The following EHHADH variants were observed in gnomAD, a reference collection of about 807,000 sequenced individuals.
The protein encoded by EHHADH is enoyl-CoA hydratase and 3-hydroxyacyl CoA dehydrogenase.
Under a neutral mutation model 64.4 loss-of-function variants are expected in EHHADH, and 48 were observed. The ratio of observed to expected loss-of-function variants is 0.75; its 90% CI spans 0.59 to 0.95. The LOEUF (loss-of-function observed/expected upper bound fraction) is 0.95, where lower values mean the gene tolerates loss of function less well. EHHADH is among the 40% of genes least tolerant of loss of function. The pLI is 0.00. For missense variants in EHHADH, 854 were observed against 876.6 expected, an observed-to-expected ratio of 0.97 and a Z score of 0.33; for synonymous variants, 308 against 326.7, an observed-to-expected ratio of 0.94 and a Z score of 0.62.
At chr3:185,244,228 G>A (rs1422846853) in intron 2 of EHHADH, among the ~76,000 whole-genome samples, 1 of 152,060 alleles carries the variant, frequency 6.6e-6, no homozygotes, top group Non-Finnish European at 1.5e-5. Context: ...TTGAGTTTGT[G>A]GGTGTTTTTA....
chr3:185,225,749 G>A (rs1200600342), intron 4 of EHHADH, among the ~76,000 whole-genome samples: 1 of 151,916 alleles, frequency 6.6e-6, no homozygotes, highest in African/African-American at 2.4e-5. Context: ...TGACCTTCTT[G>A]CTGTTCTTTG....
chr3:185,239,899 T>A (rs1489698803), intron 2 of EHHADH, among the ~76,000 whole-genome samples: 1 of 152,176 alleles, frequency 6.6e-6, no homozygotes, highest in African/African-American at 2.4e-5. Flanking sequence ...TCATTCAGTA[T>A]GATGTTGGCT....
At position 185,239,605 on chromosome 3, in the gene EHHADH, G is replaced by A. The variant is rs552322948; in HGVS notation, c.179-4143C>T. Among the ~76,000 whole-genome samples, 15 of 152,148 alleles carry A rather than the reference G, an allele frequency of 9.9e-5. No homozygotes were observed. The East Asian group carries it at 2.9e-3, about 29-fold the overall frequency. Reference sequence around the variant, plus strand: ...CTTGAACGTTATTGGTGTATAGAATGCTACTGATTTTTGTACATTCATTTT... The same window carrying A: ...CTTGAACGTTATTGGTGTATAGAATACTACTGATTTTTGTACATTCATTTT... On this transcript the variant is annotated intron_variant, in intron 2 of 6. Coordinates refer to ENST00000231887, the MANE Select transcript of EHHADH (RefSeq NM_001966.4).
chr3:185,225,513 CT>C (rs1422228771), intron 4 of EHHADH, among the ~76,000 whole-genome samples: 4 of 152,132 alleles, frequency 2.6e-5, no homozygotes, highest in Non-Finnish European at 4.4e-5. Context: ...AGCCCTCAGT[CT>C]TCCTGTTTTT....
intron 2 of EHHADH, among the ~76,000 whole-genome samples, chr3:185,242,342 A>G (rs574283307): frequency 1.3e-5 from 2 of 152,276 alleles, no homozygotes; most frequent in East Asian, 3.9e-4. Context: ...GAACCAAAAA[A>G]AGAGCCTGCA....
chr3:185,197,445 A>G (rs865848557), intron 6 of EHHADH, among the ~76,000 whole-genome samples: 1 of 151,872 alleles, frequency 6.6e-6, no homozygotes, highest in Middle Eastern at 3.4e-3. Context: ...CTAAATGATA[A>G]CTCCCCATTT....
In EHHADH at chr3:185,192,944, A is replaced by G. The variant is rs776267751; in HGVS notation, c.1454T>C (p.Leu485Ser). ...ATATGCCTGATTGTAGTAAGGATTC[A>G]ACATTCGATTCCCCACAAATCCAAA... ...NCFGFVGNRM[L>S]NPYYNQAYFL... is the part of the protein sequence containing the mutation. The change falls in exon 7 of 7, where the codon TTG (leucine) becomes TCG (serine). Residue 485 changes from leucine to serine, a missense_variant. Physicochemically the swap from Leu to Ser is moderately radical, Grantham distance 145. Transcript: ENST00000231887. 16 of 1,614,098 alleles carry G rather than the reference A, an allele frequency of 9.9e-6. No individual in the cohort carries two copies. The highest frequency in any genetic ancestry group is 1.4e-5 in the Non-Finnish European group (16 of 1,180,048).
intron 5 of EHHADH, among the ~76,000 whole-genome samples, chr3:185,205,285 A>G (rs1034293157): frequency 1.3e-5 from 2 of 152,126 alleles, no homozygotes; most frequent in Non-Finnish European, 2.9e-5. Flanking sequence ...CCCAGTAGTG[A>G]GCATAGTACC....
At chr3:185,224,765 T>G (rs2108641415) in intron 4 of EHHADH, among the ~76,000 whole-genome samples, 1 of 152,302 alleles carries the variant, frequency 6.6e-6, no homozygotes, top group East Asian at 1.9e-4. Context: ...TAGAAGCTGC[T>G]TACATTACTT....
At chr3:185,207,287 CAA>C (rs34374992) in intron 5 of EHHADH, among the ~76,000 whole-genome samples, 10 of 122,976 alleles carry the variant, frequency 8.1e-5, no homozygotes, top group African/African-American at 8.7e-5. Flanking sequence ...GACCCCATTT[CAA>C]AAAAAAAAAA....
chr3:185,230,531 G>T (rs1431763668), intron 3 of EHHADH, among the ~76,000 whole-genome samples: 6 of 151,914 alleles, frequency 3.9e-5, no homozygotes, highest in Admixed American at 6.6e-5. Flanking sequence ...GATGAACATT[G>T]AAAACATGCT....
At chr3:185,245,877 T>C (rs1719580886) in intron 2 of EHHADH, 1 of 1,080,528 alleles carries the variant, frequency 9.3e-7, no homozygotes, top group Non-Finnish European at 1.4e-6. Flanking sequence ...ATATCTGGAT[T>C]CTTTTCCCTC....
chr3:185,192,729 T>C lies in EHHADH; in HGVS notation c.1669A>G (p.Arg557Gly). The C allele has an allele frequency of 6.2e-7, 1 of 1,614,052 alleles. No homozygotes were observed. Among genetic ancestry groups the C allele is most frequent in the African/African-American group, 1.3e-5 (1 of 75,022 alleles). Residue 557 changes from arginine to glycine, a missense_variant, in exon 7 of 7, where the codon AGG becomes GGG. Arg to Gly is a moderately radical substitution (Grantham distance 125, BLOSUM62 -2). Coordinates refer to ENST00000231887, the MANE Select transcript of EHHADH (RefSeq NM_001966.4). ...GTPARKRGNR[R>G]YCPIPDVLCE... ...AGCACATCAGGAATTGGGCAGTACC[T>C]CCTATTACCCCTTTTTCGGGCAGGA...
intron 6 of EHHADH, among the ~76,000 whole-genome samples, chr3:185,194,820 A>AAAAAAAAAAAAAAAAAAAAAAAAAAAC (rs1718015794): frequency 6.8e-6 from 1 of 146,284 alleles, no homozygotes; most frequent in Non-Finnish European, 1.5e-5. Flanking sequence ...AAAAAAAAAA[A>AAAAAAAAAAAAAAAAAAAAAAAAAAAC]AAAAAAAAGA....
chr3:185,235,079 C>A (rs1216563209), intron 3 of EHHADH, among the ~76,000 whole-genome samples: 1 of 152,062 alleles, frequency 6.6e-6, no homozygotes, highest in Non-Finnish European at 1.5e-5. Context: ...TCTTGGGAGG[C>A]TGAGGAAGGA....
intron 3 of EHHADH, among the ~76,000 whole-genome samples, chr3:185,232,541 T>G (rs2108645640): frequency 6.6e-6 from 1 of 152,266 alleles, no homozygotes; most frequent in South Asian, 2.1e-4. Flanking sequence ...CTCCGTCTCC[T>G]GGGTTCAAGT....
At chr3:185,227,408 T>G (rs1015936022) in intron 4 of EHHADH, among the ~76,000 whole-genome samples, 6 of 151,930 alleles carry the variant, frequency 3.9e-5, no homozygotes, top group African/African-American at 1.4e-4. Context: ...GGTGCATGCC[T>G]GTAATCCCAG....
At chr3:185,214,591 A>G (rs546467163) in intron 5 of EHHADH, among the ~76,000 whole-genome samples, 1 of 152,304 alleles carries the variant, frequency 6.6e-6, no homozygotes, top group Non-Finnish European at 1.5e-5. Context: ...AAGTACAACC[A>G]CTACTGAAAA....
At chr3:185,235,680 G>A (rs1719272012) in intron 2 of EHHADH, among the ~76,000 whole-genome samples, 1 of 152,052 alleles carries the variant, frequency 6.6e-6, no homozygotes, top group South Asian at 2.1e-4. Flanking sequence ...AATGCTATGA[G>A]AGAAAATCCT....
Sources: gnomAD v4.1 joint callset for allele counts (sites outside exome capture counted in the v4.1 genomes callset) on GRCh38, gnomAD v4.1.1 for gene constraint, MANE v1.5 for transcripts, NCBI Gene and HGNC (gene_info 2026-07-23, HGNC 2026-07-21) for gene names.